Variants in CHST6 observed in about 807,000 individuals in gnomAD.
CHST6 encodes the protein carbohydrate sulfotransferase 6.
For missense variants in CHST6, 698 were observed against 586.2 expected, an observed-to-expected ratio of 1.19 and a Z score of -1.97; for synonymous variants, 309 against 276.4, an observed-to-expected ratio of 1.12 and a Z score of -1.17.
rs1252939426 is a variant in CHST6, at chr16:75,479,166, G to A, written c.663C>T (p.Asp221=). ...CGTTGGTGCCCAGCACGATGCCGTT[G>A]TCACGCGCCAGAGCCTTGGCTGTCT... ...REQTAKALAR[D]NGIVLGTNGT... Residue 221 remains aspartate, a synonymous_variant, in exon 3 of 3, where the codon GAC becomes GAT. Transcript: ENST00000332272. 1 of 1,607,902 alleles carries A rather than the reference G, an allele frequency of 6.2e-7. No homozygotes were observed.
rs754887629 is a variant in CHST6, at chr16:75,479,741, C to G, written c.88G>C (p.Gly30Arg). The change falls in exon 3 of 3, where the codon GGG becomes CGG. Residue 30 changes from glycine (G) to arginine (R), a missense_variant. Physicochemically the swap from Gly to Arg is moderately radical, Grantham distance 125. Transcript: ENST00000332272. ...FLLLFLVSRP[G>R]PSSPAGGEAR... Reference sequence around the variant, plus strand: ...TCGCCGCCTGCTGGGGACGAGGGCCCTGGCCGGGAAACCAGAAAGAGGAGG... The same window carrying G: ...TCGCCGCCTGCTGGGGACGAGGGCCGTGGCCGGGAAACCAGAAAGAGGAGG... The G allele has an allele frequency of 2.5e-6, 4 of 1,604,638 alleles. No homozygotes were observed. In the South Asian group the frequency reaches 4.4e-5, roughly 18 times the overall value.
chr16:75,484,647 C>T (rs533806618), intron 1 of CHST6, among the ~76,000 whole-genome samples: 13 of 152,022 alleles, frequency 8.6e-5, no homozygotes, highest in Non-Finnish European at 1.3e-4. Context: ...GTCAGTAGAT[C>T]GAGACCAGCC....
Position 75,478,976 on chromosome 16 carries a change from G to A in CHST6, c.853C>T (p.Arg285Cys). The change falls in exon 3 of 3, where the codon CGT becomes TGT. Residue 285 changes from arginine (R) to cysteine (C), a missense_variant. Transcript: ENST00000332272. ...AGCCCAGTGAAGGCGTAGAGCGCAC[G>A]GATTTCTGCCAGCGGCTCCCGCGCC... is the stretch of plus-strand genomic sequence containing the variant. The part of the protein sequence containing the change: ...DLAREPLAEI[R>C]ALYAFTGLSL... 6.2e-6 allele frequency: 10 copies of A among 1,612,898 alleles called. No homozygotes were observed. Among genetic ancestry groups the A allele is most frequent in the Non-Finnish European group, 8.5e-6 (10 of 1,179,952 alleles).
intron 1 of CHST6, among the ~76,000 whole-genome samples, chr16:75,490,193 A>G (rs1285809001): frequency 7.6e-6 from 1 of 132,414 alleles, no homozygotes; most frequent in African/African-American, 2.9e-5. Context: ...AAAAAAAAAA[A>G]AAAGGCCGGG....
At chr16:75,482,044 A>G (rs187929339) in intron 1 of CHST6, among the ~76,000 whole-genome samples, 153 bp from the exon 2 acceptor site, 223 of 152,258 alleles carry the variant, frequency 1.5e-3, no homozygotes, top group Non-Finnish European at 2.7e-3. Flanking sequence ...GCAAACACCT[A>G]TGAAGAGGGG....
intron 1 of CHST6, among the ~76,000 whole-genome samples, chr16:75,488,656 A>C (rs1382371733): frequency 6.6e-6 from 1 of 152,074 alleles, no homozygotes; most frequent in Non-Finnish European, 1.5e-5. Context: ...AGAAGAAAAC[A>C]GAAAATGAGA....
In CHST6 at chr16:75,478,997, G is replaced by T. The variant is rs1041148351; in HGVS notation, c.832C>A (p.Arg278=). 2 of 1,612,268 alleles carry T rather than the reference G, an allele frequency of 1.2e-6. No homozygotes were observed. The highest frequency in any genetic ancestry group is 1.7e-6 in the Non-Finnish European group (2 of 1,179,928). ...GCACGGATTTCTGCCAGCGGCTCCC[G>T]CGCCAGGTCCTCGAAGCGCACCAGG... The part of the protein sequence containing the change: ...YRLVRFEDLA[R]EPLAEIRALY... The change falls in exon 3 of 3, where the codon CGG becomes AGG. Residue 278 remains arginine, a synonymous_variant. Coordinates refer to ENST00000332272, the MANE Select transcript of CHST6 (RefSeq NM_021615.5).
In CHST6 at chr16:75,473,692, T is replaced by G. The variant is rs1181479017; in HGVS notation, c.*4949A>C. On this transcript the variant is annotated 3_prime_UTR_variant, in exon 3 of 3. Transcript: ENST00000332272. ...GCAGACAAATCCTGTTGCATCAGCT[T>G]CCTCTCGGATATTTACCATCCCATA... 1 of 152,176 alleles carries G rather than the reference T, an allele frequency of 6.6e-6. No homozygotes were observed. The allele number at this position is 152,176 out of a possible 1,614,324, so 9.4% of individuals were successfully genotyped here. A position where few individuals can be genotyped will look rare whatever the true frequency, so the allele number is the denominator to read the frequency against.
intron 1 of CHST6, among the ~76,000 whole-genome samples, chr16:75,485,985 G>A (rs2080193021): frequency 6.6e-6 from 1 of 152,194 alleles, no homozygotes; most frequent in Admixed American, 6.5e-5. Flanking sequence ...ATCTGATCCT[G>A]TCATTCTCCT....
At chr16:75,494,708 C>A (rs1297548775) in intron 1 of CHST6, among the ~76,000 whole-genome samples, 2 of 152,222 alleles carry the variant, frequency 1.3e-5, no homozygotes, top group Non-Finnish European at 2.9e-5. Flanking sequence ...GTTCTCCCCT[C>A]GCAGTGAGGA....
chr16:75,491,190 A>AAATATATATATATAT (rs1206595857), intron 1 of CHST6, among the ~76,000 whole-genome samples: 5 of 50,090 alleles, frequency 1.0e-4, no homozygotes, highest in Non-Finnish European at 1.2e-4. Flanking sequence ...AAAAAAAAAA[A>AAATATATATATATAT]ATATATATAT....
chr16:75,485,994 C>T (rs1294215884), intron 1 of CHST6, among the ~76,000 whole-genome samples: 2 of 152,230 alleles, frequency 1.3e-5, no homozygotes, highest in Non-Finnish European at 2.9e-5. Flanking sequence ...TGTCATTCTC[C>T]TTTTCAGTAA....
intron 2 of CHST6, 35 bp from the exon 3 acceptor site, chr16:75,479,879 G>C (rs1253001832): frequency 5.3e-6 from 8 of 1,515,990 alleles, no homozygotes; most frequent in Non-Finnish European, 7.1e-6. Context: ...AGGGGCTGCA[G>C]CCTGCACGCC....
chr16:75,479,203 C>G lies in CHST6; in HGVS notation c.626G>C (p.Arg209Pro). 6.2e-7 allele frequency: 1 copy of G among 1,609,218 alleles called. No homozygotes were observed. Among genetic ancestry groups the G allele is most frequent in the Non-Finnish European group, 8.5e-7 (1 of 1,179,260 alleles). ...AGCCTTGGCTGTCTGCTCCCGGGAG[C>G]GCAGCACGGCCCGCGGGTCGCGCAC... Reference protein sequence around the residue: ...HLVRDPRAVLRSREQTAKALA... With the variant: ...HLVRDPRAVLPSREQTAKALA... Residue 209 changes from arginine (R) to proline (P), a missense_variant, in exon 3 of 3, where the codon CGC becomes CCC. Arg to Pro is a moderately radical substitution (Grantham distance 103, BLOSUM62 -2). Transcript: ENST00000332272.
Position 75,474,147 on chromosome 16 carries a change from C to G in CHST6, c.*4494G>C, listed in dbSNP as rs2080042404. On this transcript the variant is annotated 3_prime_UTR_variant, in exon 3 of 3. Coordinates refer to ENST00000332272, the MANE Select transcript of CHST6 (RefSeq NM_021615.5). ...CCAAGATGGCGCCACTGCACTCCAGCCTGGGGGACAAGAGCAAGACTCTGC... is the reference window on the plus strand; with the variant it reads ...CCAAGATGGCGCCACTGCACTCCAGGCTGGGGGACAAGAGCAAGACTCTGC... 1.3e-5 allele frequency: 2 copies of G among 152,400 alleles called. No individual in the cohort carries two copies. The highest frequency in any genetic ancestry group is 4.1e-4 in the South Asian group (2 of 4,828). 9.4% of individuals were successfully genotyped at this position (152,400 alleles called of 1,614,324 possible).
intron 1 of CHST6, chr16:75,490,782 G>A (rs796500789): frequency 1.6e-4 from 25 of 152,084 alleles, no homozygotes; most frequent in African/African-American, 4.1e-4. Context: ...GAACATACAA[G>A]CCCACATGAA....
chr16:75,480,014 G>A (rs1302934715), intron 2 of CHST6, among the ~76,000 whole-genome samples, 170 bp from the exon 3 acceptor site: 2 of 152,234 alleles, frequency 1.3e-5, no homozygotes, highest in African/African-American at 2.4e-5. Context: ...ACATAACTCA[G>A]GATCCAGTCT....
chr16:75,492,427 C>T (rs1162472266), intron 1 of CHST6, among the ~76,000 whole-genome samples: 1 of 152,208 alleles, frequency 6.6e-6, no homozygotes, highest in East Asian at 1.9e-4. Context: ...TTGACAGAGC[C>T]CTCTCATTAC....
chr16:75,478,981 T>C lies in CHST6; in HGVS notation c.848A>G (p.Glu283Gly), dbSNP rs749972061. ...AGTGAAGGCGTAGAGCGCACGGATT[T>C]CTGCCAGCGGCTCCCGCGCCAGGTC... Reference protein sequence around the residue: ...FEDLAREPLAEIRALYAFTGL... With the variant: ...FEDLAREPLAGIRALYAFTGL... Residue 283 changes from glutamate to glycine, a missense_variant, in exon 3 of 3, where the codon GAA becomes GGA. Transcript: ENST00000332272. 1.4e-5 allele frequency: 22 copies of C among 1,612,696 alleles called. No individual in the cohort carries two copies. The highest frequency in any genetic ancestry group is 2.7e-5 in the African/African-American group (2 of 74,932).
Sources: allele counts gnomAD v4.1 joint callset (sites outside exome capture counted in the v4.1 genomes callset), GRCh38; gene constraint gnomAD v4.1.1; transcripts MANE v1.5; gene names NCBI Gene and HGNC (gene_info 2026-07-23, HGNC 2026-07-21).